The following VAMP5 variants were observed in gnomAD, a reference collection of about 807,000 sequenced individuals.
VAMP5 encodes the protein vesicle-associated membrane protein 5.
A neutral mutation model predicts 8.1 loss-of-function variants in VAMP5; 10 were observed. The ratio of observed to expected loss-of-function variants is 1.23; its 90% CI spans 0.76 to 2.09. VAMP5 has a LOEUF of 2.09. VAMP5 is among the 30% of genes most tolerant of loss of function. The pLI, the probability that VAMP5 is intolerant of heterozygous loss-of-function variation, is 0.00. For missense variants in VAMP5, 135 were observed against 152.5 expected (o/e 0.89, Z 0.60); for synonymous variants, 62 against 60.6 (o/e 1.02, Z -0.11).
At chr2:85,585,657 G>A (rs1435813591) in intron 1 of VAMP5, among the ~76,000 whole-genome samples, 1 of 152,176 alleles carries the variant, frequency 6.6e-6, no homozygotes, top group Non-Finnish European at 1.5e-5. Context: ...CTGAAGGCAG[G>A]ATATTTTATT....
At chr2:85,586,584 C>T (rs1203852041) in intron 1 of VAMP5, among the ~76,000 whole-genome samples, 1 of 148,278 alleles carries the variant, frequency 6.7e-6, no homozygotes, top group African/African-American at 2.6e-5. Context: ...AGAACAAAAA[C>T]AAACAAACAA....
At chr2:85,592,445 A>G (rs539538236) in intron 2 of VAMP5, among the ~76,000 whole-genome samples, 1 of 152,248 alleles carries the variant, frequency 6.6e-6, no homozygotes, top group Admixed American at 6.5e-5. Flanking sequence ...GCTGAAAGTC[A>G]AGGGCCACAC....
At position 85,592,984 on chromosome 2, in the gene VAMP5, C is replaced by T; in HGVS notation, c.178C>T (p.Gln60Ter). 6.2e-7 allele frequency: 1 copy of T among 1,614,088 alleles called. No homozygotes were observed. The highest frequency in any genetic ancestry group is 8.5e-7 in the Non-Finnish European group (1 of 1,180,034). The change falls in exon 3 of 3, where the codon CAG becomes TAG. Residue 60 changes from glutamine to a stop codon, truncating the protein, a stop_gained. Coordinates refer to ENST00000306384, the MANE Select transcript of VAMP5 (RefSeq NM_006634.3). LOFTEE classifies it low-confidence loss of function (END_TRUNC). Reference protein sequence around the residue: ...TFNKTTQNLAQKKCWENIRYR... With the variant: ...TFNKTTQNLA The stretch of plus-strand genomic sequence containing the variant: ...CAACAAGACTACACAGAACCTGGCC[C>T]AGAAGAAGTGCTGGGAGAACATCCG...
In VAMP5 at chr2:85,592,973, A is replaced by G. The variant is rs762393309; in HGVS notation, c.167A>G (p.Gln56Arg). Residue 56 changes from glutamine (Q) to arginine (R), a missense_variant, in exon 3 of 3, where the codon CAG becomes CGG. Physicochemically the swap from Gln to Arg is conservative, Grantham distance 43. Transcript: ENST00000306384. Reference protein sequence around the residue: ...DMSSTFNKTTQNLAQKKCWEN... With the variant: ...DMSSTFNKTTRNLAQKKCWEN... ...AGCTCAACCTTCAACAAGACTACACAGAACCTGGCCCAGAAGAAGTGCTGG... is the reference window on the plus strand; with the variant it reads ...AGCTCAACCTTCAACAAGACTACACGGAACCTGGCCCAGAAGAAGTGCTGG... 7.4e-6 allele frequency: 12 copies of G among 1,613,980 alleles called. 1 individual carries two copies. The highest frequency in any genetic ancestry group is 1.3e-5 in the African/African-American group (1 of 74,904).
At chr2:85,587,265 T>TC (rs1425763298) in intron 1 of VAMP5, among the ~76,000 whole-genome samples, 3 of 151,466 alleles carry the variant, frequency 2.0e-5, no homozygotes, top group African/African-American at 7.3e-5. Context: ...TACACAATTT[T>TC]TTTTTTTTTT....
chr2:85,584,870 G>A (rs554082452), intron 1 of VAMP5, among the ~76,000 whole-genome samples: 1 of 152,334 alleles, frequency 6.6e-6, no homozygotes, highest in Non-Finnish European at 1.5e-5. Flanking sequence ...GTGAAGTGGG[G>A]TCAGTAATAC....
intron 1 of VAMP5, among the ~76,000 whole-genome samples, 174 bp downstream of exon 1, chr2:85,584,667 G>T (rs968283710): frequency 1.3e-5 from 2 of 152,234 alleles, no homozygotes; most frequent in Non-Finnish European, 2.9e-5. Flanking sequence ...CACTCCCTGC[G>T]CGCCGCATGG....
chr2:85,591,749 C>T lies in VAMP5; in HGVS notation c.28C>T (p.Gln10Ter). Residue 10 changes from glutamine (Q) to a stop codon, truncating the protein, a stop_gained, in exon 2 of 3, where the codon CAG (glutamine) becomes TAG (stop). Transcript: ENST00000306384. LOFTEE classifies it high-confidence loss of function. ...GGCAGGAATAGAGTTGGAGCGGTGC[C>T]AGCAGCAGGCGAACGAGGTGACGGA... MAGIELERC[Q>*]QQANEVTEIM... 6.2e-7 allele frequency: 1 copy of T among 1,614,160 alleles called. No individual in the cohort carries two copies. Among genetic ancestry groups the T allele is most frequent in the Non-Finnish European group, 8.5e-7 (1 of 1,180,014 alleles).
chr2:85,587,542 A>G (rs1040904865), intron 1 of VAMP5, among the ~76,000 whole-genome samples: 1 of 151,584 alleles, frequency 6.6e-6, no homozygotes, highest in African/African-American at 2.4e-5. Context: ...GTGAGCCACC[A>G]CACCTGGCCA....
intron 2 of VAMP5, among the ~76,000 whole-genome samples, chr2:85,592,469 G>A (rs1219731284): frequency 6.6e-6 from 1 of 152,126 alleles, no homozygotes. Flanking sequence ...TGTTTGAGAT[G>A]AGTCAGGCTG....
intron 1 of VAMP5, among the ~76,000 whole-genome samples, chr2:85,586,302 C>T (rs1302011299): frequency 1.3e-5 from 2 of 152,182 alleles, no homozygotes; most frequent in Non-Finnish European, 2.9e-5. Flanking sequence ...AAAGGCCAGG[C>T]GCAGTGGCTC....
In VAMP5 at chr2:85,591,882, A is replaced by G; in HGVS notation, c.141+20A>G. ...GATATGGTGTGAGGCCTGGGGGAGC[A>G]TGGAGGGGAGGGGAGAGGATTGGGA... On this transcript the variant is annotated intron_variant, in intron 2 of 2. Transcript: ENST00000306384. The G allele has an allele frequency of 6.2e-7, 1 of 1,613,848 alleles. No individual in the cohort carries two copies.
Position 85,592,967 on chromosome 2 carries a change from C to T in VAMP5, c.161C>T (p.Thr54Ile). 1.2e-6 allele frequency: 2 copies of T among 1,614,048 alleles called. No homozygotes were observed. The highest frequency in any genetic ancestry group is 1.7e-6 in the Non-Finnish European group (2 of 1,180,038). ...CCGCAGAGCTCAACCTTCAACAAGACTACACAGAACCTGGCCCAGAAGAAG... is the reference window on the plus strand; with the variant it reads ...CCGCAGAGCTCAACCTTCAACAAGATTACACAGAACCTGGCCCAGAAGAAG... The part of the protein sequence containing the change: ...LLDMSSTFNK[T>I]TQNLAQKKCW... Residue 54 changes from threonine to isoleucine, a missense_variant, in exon 3 of 3, where the codon ACT becomes ATT. Transcript: ENST00000306384.
At position 85,593,233 on chromosome 2, in the gene VAMP5, C is replaced by G. The variant is rs184304322; in HGVS notation, c.*76C>G. On this transcript the variant is annotated 3_prime_UTR_variant, in exon 3 of 3. Transcript: ENST00000306384. ...TCTCCAGAGGACCTTGGTGTTTGCT[C>G]TCCCTTGACCCACCCCAGTGAGTGC... 3 of 1,506,234 alleles carry G rather than the reference C, an allele frequency of 2.0e-6. No homozygotes were observed. The highest frequency in any genetic ancestry group is 1.4e-5 in the African/African-American group (1 of 72,620). The allele number at this position is 1,506,234 out of a possible 1,614,324, so 93.3% of individuals were successfully genotyped here. A position where few individuals can be genotyped will look rare whatever the true frequency, so the allele number is the denominator to read the frequency against.
Position 85,593,170 on chromosome 2 carries a change from T to G in VAMP5, c.*13T>G, listed in dbSNP as rs756100336. 1 of 1,613,782 alleles carries G rather than the reference T, an allele frequency of 6.2e-7. No individual in the cohort carries two copies. Among genetic ancestry groups the G allele is most frequent in the Non-Finnish European group, 8.5e-7 (1 of 1,179,990 alleles). On this transcript the variant is annotated 3_prime_UTR_variant, in exon 3 of 3. Transcript: ENST00000306384. ...GCCTGGGAACTGACCCAGCTGGTCC[T>G]GAAGGAGAAGCCAAATGGCTGCACT... is the stretch of plus-strand genomic sequence containing the variant.
intron 1 of VAMP5, 127 bp from the exon 2 acceptor site, chr2:85,591,598 C>T (rs1672538032): frequency 7.1e-7 from 1 of 1,406,928 alleles, no homozygotes; most frequent in East Asian, 2.4e-5. Context: ...CATACCCTTA[C>T]ACGAAGGATG....
At chr2:85,590,037 G>A (rs548444176) in intron 1 of VAMP5, among the ~76,000 whole-genome samples, 11 of 152,194 alleles carry the variant, frequency 7.2e-5, no homozygotes, top group African/African-American at 2.4e-4. Context: ...AGTAATAATA[G>A]TGATGACGGT....
chr2:85,587,223 T>TAA (rs1480376467), intron 1 of VAMP5, among the ~76,000 whole-genome samples: 1 of 152,034 alleles, frequency 6.6e-6, no homozygotes, highest in Non-Finnish European at 1.5e-5. Context: ...GTGCATTTTA[T>TAA]AAAACGAAGA....
At chr2:85,587,894 C>T (rs1173644024) in intron 1 of VAMP5, among the ~76,000 whole-genome samples, 4 of 152,274 alleles carry the variant, frequency 2.6e-5, no homozygotes, top group South Asian at 4.2e-4. Flanking sequence ...CCGGTACTTG[C>T]GCCCATTCAT....
Sources: allele counts gnomAD v4.1 joint callset (sites outside exome capture counted in the v4.1 genomes callset), GRCh38; gene constraint gnomAD v4.1.1; transcripts MANE v1.5; gene names NCBI Gene and HGNC (gene_info 2026-07-23, HGNC 2026-07-21).